CECR2: variants seen among roughly 807,000 people sequenced by gnomAD.
CECR2 encodes chromatin remodeling regulator CECR2.
A neutral mutation model predicts 154.5 loss-of-function variants in CECR2; 30 were observed. The observed-to-expected ratio is 0.19, with a 90% CI of 0.15 to 0.26. The LOEUF (loss-of-function observed/expected upper bound fraction) is 0.26, where lower values mean the gene tolerates loss of function less well. Ranked by LOEUF, CECR2 falls within the 10% of genes least tolerant of loss-of-function variation. The probability of loss-of-function intolerance (pLI) is 1.00; values close to 1 mark genes in which losing one functional copy is unlikely to be tolerated. For missense variants in CECR2, 1,743 were observed against 1,829.3 expected, an observed-to-expected ratio of 0.95 and a Z score of 0.86; for synonymous variants, 725 against 683.7, an observed-to-expected ratio of 1.06 and a Z score of -0.94.
At chr22:17,441,454 G>A (rs1014852377) in intron 1 of CECR2, among the ~76,000 whole-genome samples, 2 of 152,150 alleles carry the variant, frequency 1.3e-5, no homozygotes, top group East Asian at 1.9e-4. Context: ...TATTTGTATT[G>A]TAGTATGGTA....
rs1483638348 is a variant in CECR2, at chr22:17,537,438, A to T, written c.1238+206A>T. ...TTGCTGCCACACTCTGTGATACTTA[A>T]CACTAAGCTCTTCTTTCTTCATCCC... On this transcript the variant is annotated intron_variant, in intron 10 of 18. Transcript: ENST00000262608. 2.0e-5 allele frequency among the ~76,000 whole-genome samples: 3 copies of T among 152,198 alleles called. No individual in the cohort carries two copies. In the East Asian group the frequency reaches 5.8e-4, roughly 29 times the overall value.
intron 8 of CECR2, among the ~76,000 whole-genome samples, chr22:17,516,006 G>T (rs1383338351): frequency 6.6e-6 from 1 of 152,140 alleles, no homozygotes; most frequent in Non-Finnish European, 1.5e-5. Context: ...ACTTTGGGGG[G>T]CGTAAGTCAA....
chr22:17,386,507 G>A (rs2063263026), intron 1 of CECR2, among the ~76,000 whole-genome samples: 1 of 152,136 alleles, frequency 6.6e-6, no homozygotes, highest in African/African-American at 2.4e-5. Flanking sequence ...TCTGCGCCAT[G>A]TTTTATACCA....
At chr22:17,388,994 G>A (rs2063297653) in intron 1 of CECR2, among the ~76,000 whole-genome samples, 1 of 152,096 alleles carries the variant, frequency 6.6e-6, no homozygotes, top group African/African-American at 2.4e-5. Context: ...TGTATTTTTA[G>A]TAGAGACGGG....
At chr22:17,362,901 C>CAA (rs372498587) in intron 1 of CECR2, among the ~76,000 whole-genome samples, 12 of 82,112 alleles carry the variant, frequency 1.5e-4, no homozygotes, top group Admixed American at 4.4e-4. Context: ...AACTCCGTCT[C>CAA]AAAAAAAAAA....
intron 7 of CECR2, among the ~76,000 whole-genome samples, chr22:17,510,131 C>T (rs568889741): frequency 5.7e-4 from 87 of 152,140 alleles, no homozygotes; most frequent in Non-Finnish European, 1.1e-3. Context: ...TGGGAAAGTG[C>T]GTAGGGAAAC....
At chr22:17,376,319 A>G (rs1478375615) in intron 1 of CECR2, among the ~76,000 whole-genome samples, 1 of 152,136 alleles carries the variant, frequency 6.6e-6, no homozygotes, top group East Asian at 1.9e-4. Flanking sequence ...CTCATCTCTG[A>G]AGGGCGGCCT....
At position 17,557,412 on chromosome 22, in the gene CECR2, A is replaced by G. The variant is rs5992734; in HGVS notation, c.*4572A>G. 0.61 allele frequency: 92,123 copies of G among 151,846 alleles called. 28,116 individuals carry two copies. Among genetic ancestry groups the G allele is most frequent in the African/African-American group, 0.66 (27,187 of 41,436 alleles). The allele number at this position is 151,846 out of a possible 1,614,324, so 9.4% of individuals were successfully genotyped here. A position where few individuals can be genotyped will look rare whatever the true frequency, so the allele number is the denominator to read the frequency against. ...GATCCACCCGCCTTGGCCTCCCAAC[A>G]TGCTGGGATTACAGGCGTGAGCCAA... On this transcript the variant is annotated 3_prime_UTR_variant, in exon 19 of 19. Transcript: ENST00000262608.
chr22:17,420,930 A>G (rs1020084482), intron 1 of CECR2, among the ~76,000 whole-genome samples: 1 of 152,196 alleles, frequency 6.6e-6, no homozygotes, highest in African/African-American at 2.4e-5. Flanking sequence ...ATTGAGAGGT[A>G]TTATGAGGAC....
At chr22:17,533,232 A>G (rs1270171305) in intron 9 of CECR2, among the ~76,000 whole-genome samples, 1 of 151,454 alleles carries the variant, frequency 6.6e-6, no homozygotes, top group Admixed American at 6.6e-5. Flanking sequence ...AGGCATGAGA[A>G]TCGCTTGTAC....
At chr22:17,402,196 G>A (rs1256248737) in intron 1 of CECR2, among the ~76,000 whole-genome samples, 1 of 152,138 alleles carries the variant, frequency 6.6e-6, no homozygotes, top group Non-Finnish European at 1.5e-5. Context: ...TGTTGCCCAG[G>A]CTGGTTTCGA....
At chr22:17,498,339 C>T (rs935669062) in intron 3 of CECR2, among the ~76,000 whole-genome samples, 9 of 151,292 alleles carry the variant, frequency 5.9e-5, no homozygotes, top group Non-Finnish European at 8.8e-5. Context: ...TGCAGTGAGC[C>T]GAGATTGCGC....
At chr22:17,483,324 A>T (rs959081943) in intron 2 of CECR2, among the ~76,000 whole-genome samples, 3 of 152,198 alleles carry the variant, frequency 2.0e-5, no homozygotes, top group Non-Finnish European at 4.4e-5. Context: ...CTCTGGGAGG[A>T]TGAGGTGAGA....
chr22:17,402,205 G>A (rs1241302026), intron 1 of CECR2, among the ~76,000 whole-genome samples: 2 of 152,040 alleles, frequency 1.3e-5, no homozygotes, highest in African/African-American at 2.4e-5. Flanking sequence ...GGCTGGTTTC[G>A]AACTCCCGAG....
intron 1 of CECR2, among the ~76,000 whole-genome samples, chr22:17,457,509 A>G (rs1401315088): frequency 6.6e-6 from 1 of 151,854 alleles, no homozygotes; most frequent in Non-Finnish European, 1.5e-5. Flanking sequence ...CTTGTCAGGA[A>G]CTCTTCACTG....
At chr22:17,402,853 GTTCAAGCA>G (rs1449553250) in intron 1 of CECR2, among the ~76,000 whole-genome samples, 18 of 150,582 alleles carry the variant, frequency 1.2e-4, no homozygotes, top group Non-Finnish European at 2.4e-4. Flanking sequence ...CGCCTCCCGG[GTTCAAGCA>G]GTTCTCCTGC....
chr22:17,403,906 C>T (rs1005169154), intron 1 of CECR2, among the ~76,000 whole-genome samples: 3 of 151,874 alleles, frequency 2.0e-5, no homozygotes, highest in African/African-American at 2.4e-5. Context: ...AAGTACTGAT[C>T]GAAGTTGGTG....
intron 16 of CECR2, among the ~76,000 whole-genome samples, chr22:17,545,842 C>CAAAAAA (rs112121132): frequency 1.1e-5 from 1 of 89,610 alleles, no homozygotes; most frequent in Non-Finnish European, 2.4e-5. Context: ...GACTCCGTCT[C>CAAAAAA]AAAAAAAAAA....
chr22:17,517,233 G>A (rs536192913), intron 8 of CECR2, among the ~76,000 whole-genome samples: 4 of 148,846 alleles, frequency 2.7e-5, no homozygotes, highest in East Asian at 3.9e-4. Flanking sequence ...GCGCACTTGC[G>A]CTTTCTGGCT....
Sources: gnomAD v4.1 joint callset for allele counts (sites outside exome capture counted in the v4.1 genomes callset) on GRCh38, gnomAD v4.1.1 for gene constraint, MANE v1.5 for transcripts, NCBI Gene and HGNC (gene_info 2026-07-23, HGNC 2026-07-21) for gene names.